The following APBB2 variants were observed in gnomAD, a reference collection of about 807,000 sequenced individuals.
APBB2 encodes the protein amyloid beta precursor protein binding family B member 2, also known as Fe65-like 1.
APBB2 carries 38 observed loss-of-function variants against 82.5 expected under a neutral mutation model. The ratio of observed to expected loss-of-function variants is 0.46; its 90% CI spans 0.36 to 0.60. APBB2 has a LOEUF of 0.60. APBB2 is among the 20% of genes least tolerant of loss of function. The pLI, the probability that APBB2 is intolerant of heterozygous loss-of-function variation, is 0.00. For missense variants in APBB2, 772 were observed against 972.3 expected, an observed-to-expected ratio of 0.79 and a Z score of 2.74; for synonymous variants, 341 against 368.2, an observed-to-expected ratio of 0.93 and a Z score of 0.85.
At chr4:41,187,496 T>C (rs1245200582) in intron 1 of APBB2, among the ~76,000 whole-genome samples, 1 of 152,236 alleles carries the variant, frequency 6.6e-6, no homozygotes, top group African/African-American at 2.4e-5. Flanking sequence ...CCATGGGCTA[T>C]GAATTCAGAA....
intron 10 of APBB2, among the ~76,000 whole-genome samples, chr4:40,918,089 TAAAAC>T (rs1780285038): frequency 6.6e-6 from 1 of 152,234 alleles, no homozygotes; most frequent in African/African-American, 2.4e-5. Flanking sequence ...CTTTAGCACA[TAAAAC>T]AGAACACAAT....
intron 13 of APBB2, among the ~76,000 whole-genome samples, chr4:40,827,756 CAT>C (rs1348534229): frequency 2.0e-5 from 3 of 152,350 alleles, no homozygotes; most frequent in South Asian, 2.1e-4. Context: ...CTGAGGATCA[CAT>C]GAGTGAGTGT....
intron 1 of APBB2, among the ~76,000 whole-genome samples, chr4:41,210,849 C>T (rs888155998): frequency 4.6e-5 from 7 of 152,202 alleles, no homozygotes; most frequent in East Asian, 1.9e-4. Flanking sequence ...TGTGAAATCA[C>T]GAGCATCTAC....
At chr4:41,033,349 A>G in intron 4 of APBB2, 45 bp from the exon 5 acceptor site, 1 of 1,239,794 alleles carries the variant, frequency 8.1e-7, no homozygotes, top group East Asian at 2.5e-5. Context: ...CCAAATAACA[A>G]AGCATAAAAG....
chr4:40,917,559 C>T (rs1414978157), intron 10 of APBB2, among the ~76,000 whole-genome samples: 1 of 151,958 alleles, frequency 6.6e-6, no homozygotes, highest in Non-Finnish European at 1.5e-5. Flanking sequence ...TTTTTTCATC[C>T]AATGAGAAAA....
intron 6 of APBB2, among the ~76,000 whole-genome samples, chr4:40,989,586 T>TATTTGCTTTGTTA (rs1271288659): frequency 1.3e-5 from 2 of 152,190 alleles, no homozygotes; most frequent in Non-Finnish European, 2.9e-5. Context: ...ACTAGCTACC[T>TATTTGCTTTGTTA]ATTTGCTTTG....
At chr4:40,944,295 TC>T (rs1436451075) in intron 7 of APBB2, among the ~76,000 whole-genome samples, 2 of 152,228 alleles carry the variant, frequency 1.3e-5, no homozygotes, top group Non-Finnish European at 2.9e-5. Context: ...TGTTTAAACA[TC>T]CAGATTTCTT....
At chr4:40,875,979 C>T (rs1578137969) in intron 12 of APBB2, among the ~76,000 whole-genome samples, 3 of 152,168 alleles carry the variant, frequency 2.0e-5, no homozygotes, top group African/African-American at 7.2e-5. Flanking sequence ...GGCAGCAGTA[C>T]ATGTGTGTTT....
Position 40,827,226 on chromosome 4 carries a change from G to A in APBB2, c.1645-7C>T, listed in dbSNP as rs770200998. On this transcript the variant is annotated splice_region_variant and splice_polypyrimidine_tract_variant and intron_variant, in intron 13 of 17. Coordinates refer to ENST00000508593, the MANE Select transcript of APBB2 (RefSeq NM_004307.2). Reference sequence around the variant, plus strand: ...TCTTCCGTTCAGCCATAATCTAAGGGGGAAAAAGTGCAGCTTTGGAGCGTG... The same window carrying A: ...TCTTCCGTTCAGCCATAATCTAAGGAGGAAAAAGTGCAGCTTTGGAGCGTG... 1.9e-6 allele frequency: 3 copies of A among 1,613,808 alleles called. No individual in the cohort carries two copies. The highest frequency in any genetic ancestry group is 2.7e-5 in the African/African-American group (2 of 74,912).
At chr4:41,027,480 C>T (rs2154437487) in intron 5 of APBB2, among the ~76,000 whole-genome samples, 1 of 150,160 alleles carries the variant, frequency 6.7e-6, no homozygotes, top group South Asian at 2.1e-4. Flanking sequence ...GTGTATAAGG[C>T]TTCTAAATTC....
chr4:40,941,394 G>C (rs2154378783), intron 7 of APBB2, among the ~76,000 whole-genome samples: 1 of 152,286 alleles, frequency 6.6e-6, no homozygotes. Context: ...ATGTGACATA[G>C]CCTCCCTTAG....
chr4:40,882,909 C>T (rs1327657630), intron 12 of APBB2, among the ~76,000 whole-genome samples: 2 of 152,288 alleles, frequency 1.3e-5, no homozygotes, highest in African/African-American at 4.8e-5. Context: ...ACTCTAGTTC[C>T]GAGTCCTTTG....
At chr4:40,985,017 C>T (rs35263255) in intron 6 of APBB2, among the ~76,000 whole-genome samples, 20,715 of 151,794 alleles carry the variant, frequency 0.14, 1,541 homozygotes, top group Middle Eastern at 0.19. Context: ...AACCTCGTGG[C>T]TCAAGTGATT....
intron 2 of APBB2, among the ~76,000 whole-genome samples, chr4:41,111,157 G>A (rs564510958): frequency 4.5e-4 from 68 of 152,276 alleles, no homozygotes; most frequent in Middle Eastern, 3.4e-3. Flanking sequence ...CGGAGCTCAG[G>A]CAGTAATGCA....
chr4:41,149,731 T>G (rs1430377161), intron 1 of APBB2, among the ~76,000 whole-genome samples: 1 of 152,152 alleles, frequency 6.6e-6, no homozygotes, highest in Non-Finnish European at 1.5e-5. Context: ...ATAATCCCCA[T>G]GTGTCATGGC....
chr4:40,949,567 A>C (rs1789496315), intron 6 of APBB2, among the ~76,000 whole-genome samples: 1 of 152,116 alleles, frequency 6.6e-6, no homozygotes, highest in Non-Finnish European at 1.5e-5. Context: ...TCCGATGGTT[A>C]TCACGGTATC....
At chr4:40,877,684 C>T (rs1009133420) in intron 12 of APBB2, among the ~76,000 whole-genome samples, 1 of 152,164 alleles carries the variant, frequency 6.6e-6, no homozygotes, top group African/African-American at 2.4e-5. Context: ...GTTTTAGGAC[C>T]TCACAGGAAC....
intron 4 of APBB2, among the ~76,000 whole-genome samples, chr4:41,054,822 G>A (rs115368721): frequency 0.021 from 3,193 of 151,972 alleles, 106 homozygotes; most frequent in African/African-American, 0.073. Flanking sequence ...AAAAGCCATG[G>A]AAACCTTTAA....
chr4:41,154,252 T>C (rs1232373363), intron 1 of APBB2, among the ~76,000 whole-genome samples: 4 of 152,166 alleles, frequency 2.6e-5, no homozygotes, highest in African/African-American at 7.2e-5. Flanking sequence ...TGGCTTCTAA[T>C]AGGAAAAATG....
Sources: allele counts gnomAD v4.1 joint callset (sites outside exome capture counted in the v4.1 genomes callset), GRCh38; gene constraint gnomAD v4.1.1; transcripts MANE v1.5; gene names NCBI Gene and HGNC (gene_info 2026-07-23, HGNC 2026-07-21).